The following EGFLAM variants were observed in gnomAD, a reference collection of about 807,000 sequenced individuals.
EGFLAM encodes pikachurin.
EGFLAM carries 79 observed loss-of-function variants against 113.1 expected under a neutral mutation model. The observed-to-expected ratio is 0.70, with a 90% CI of 0.58 to 0.84. The LOEUF is 0.84. Among genes scored for constraint, EGFLAM ranks in the 40% least tolerant of loss-of-function variants. EGFLAM has a pLI of 0.00. For synonymous variants in EGFLAM, 504 were observed against 487.6 expected (o/e 1.03, Z -0.44); for missense variants, 1,265 against 1,291.6 (o/e 0.98, Z 0.32).
At chr5:38,294,940 C>T (rs1400696499) in intron 1 of EGFLAM, among the ~76,000 whole-genome samples, 1 of 152,146 alleles carries the variant, frequency 6.6e-6, no homozygotes, top group African/African-American at 2.4e-5. Context: ...ATTCTCCTGC[C>T]TCAGCCTCCC....
At chr5:38,270,588 A>G (rs2111713973) in intron 1 of EGFLAM, among the ~76,000 whole-genome samples, 1 of 152,320 alleles carries the variant, frequency 6.6e-6, no homozygotes. Context: ...CTTCAGCTTG[A>G]AGGAATTGTA....
intron 6 of EGFLAM, chr5:38,401,265 C>T (rs538754479): frequency 6.6e-6 from 1 of 152,272 alleles, no homozygotes; most frequent in African/African-American, 2.4e-5. Flanking sequence ...GCCACCTACA[C>T]TCTAACCCTT....
At chr5:38,313,822 T>C (rs921623049) in intron 1 of EGFLAM, among the ~76,000 whole-genome samples, 2 of 152,212 alleles carry the variant, frequency 1.3e-5, no homozygotes, top group African/African-American at 4.8e-5. Context: ...AACTTGTCTA[T>C]GTAAGCGTTT....
intron 1 of EGFLAM, among the ~76,000 whole-genome samples, chr5:38,330,591 C>T (rs926707374): frequency 8.5e-5 from 13 of 152,284 alleles, no homozygotes; most frequent in African/African-American, 1.2e-4. Context: ...ATACCTAGAG[C>T]GTTTCTATTT....
At chr5:38,300,710 T>C (rs1758555844) in intron 1 of EGFLAM, among the ~76,000 whole-genome samples, 1 of 152,138 alleles carries the variant, frequency 6.6e-6, no homozygotes, top group South Asian at 2.1e-4. Flanking sequence ...CTGGCTGTTG[T>C]GTTGAGAATA....
In EGFLAM at chr5:38,335,582, C is replaced by T. The variant is rs190991290; in HGVS notation, c.98-1938C>T. 3.3e-5 allele frequency among the ~76,000 whole-genome samples: 5 copies of T among 152,210 alleles called. No homozygotes were observed. In the East Asian group the frequency reaches 7.7e-4, roughly 24 times the overall value. ...GTTGAGCCAAGAGGAAGCCACATGG[C>T]CTAAGTCTAGCCAATCAGATGAGAC... On this transcript the variant is annotated intron_variant, in intron 1 of 21. Coordinates refer to ENST00000322350, the MANE Select transcript of EGFLAM (RefSeq NM_152403.4).
chr5:38,424,017 C>G (rs1741919988), intron 12 of EGFLAM, among the ~76,000 whole-genome samples: 2 of 152,150 alleles, frequency 1.3e-5, no homozygotes, highest in Non-Finnish European at 2.9e-5. Context: ...GCCTTGAAGA[C>G]TGGGAGAGAG....
At chr5:38,411,537 C>T (rs1220374864) in intron 10 of EGFLAM, among the ~76,000 whole-genome samples, 1 of 132,376 alleles carries the variant, frequency 7.6e-6, no homozygotes, top group East Asian at 2.3e-4. Flanking sequence ...GGCTGGAGTG[C>T]AGTGGTGCAA....
At chr5:38,445,556 G>A (rs1326472795) in intron 17 of EGFLAM, 1 of 1,590,960 alleles carries the variant, frequency 6.3e-7, no homozygotes, top group Non-Finnish European at 8.5e-7. Flanking sequence ...CTGGACTCTC[G>A]GGCAGAGCTT....
chr5:38,278,358 T>G (rs1757934651), intron 1 of EGFLAM, among the ~76,000 whole-genome samples: 1 of 152,194 alleles, frequency 6.6e-6, no homozygotes, highest in Non-Finnish European at 1.5e-5. Context: ...AGAATGAAAT[T>G]AAACCCTTAT....
intron 1 of EGFLAM, among the ~76,000 whole-genome samples, chr5:38,275,060 G>A (rs544512394): frequency 7.9e-5 from 12 of 152,084 alleles, no homozygotes; most frequent in South Asian, 2.1e-4. Context: ...TGTAAGACTC[G>A]TGGTAACCAC....
At chr5:38,446,403 T>C (rs952200370) in intron 17 of EGFLAM, among the ~76,000 whole-genome samples, 1 of 152,236 alleles carries the variant, frequency 6.6e-6, no homozygotes, top group African/African-American at 2.4e-5. Context: ...CCTCCTCTTC[T>C]TGCTGCAGCG....
chr5:38,268,683 C>G (rs1272172662), intron 1 of EGFLAM, among the ~76,000 whole-genome samples: 1 of 152,166 alleles, frequency 6.6e-6, no homozygotes, highest in Non-Finnish European at 1.5e-5. Flanking sequence ...TTGTAGTGTA[C>G]AACCTGGTTG....
intron 20 of EGFLAM, among the ~76,000 whole-genome samples, chr5:38,461,572 A>G (rs902485043): frequency 6.6e-6 from 1 of 152,114 alleles, no homozygotes; most frequent in Non-Finnish European, 1.5e-5. Context: ...TGCCTGTCAC[A>G]GCATTCAGAT....
chr5:38,436,943 A>G (rs957775830), intron 16 of EGFLAM, among the ~76,000 whole-genome samples: 4 of 152,220 alleles, frequency 2.6e-5, no homozygotes, highest in African/African-American at 9.6e-5. Flanking sequence ...GGAAGCTTAG[A>G]TTCGTGGCAG....
intron 3 of EGFLAM, among the ~76,000 whole-genome samples, chr5:38,349,929 C>T (rs1323949641): frequency 4.0e-5 from 6 of 149,290 alleles, no homozygotes; most frequent in Non-Finnish European, 7.4e-5. Flanking sequence ...GCTTCCTGCT[C>T]AGGGCCGTTT....
intron 17 of EGFLAM, 77 bp downstream of exon 17, chr5:38,438,532 T>C (rs1047909590): frequency 7.2e-7 from 1 of 1,385,078 alleles, no homozygotes; most frequent in African/African-American, 1.4e-5. Flanking sequence ...ACCACAACTC[T>C]TAATGGAAGA....
chr5:38,432,448 C>G (rs536791295), intron 15 of EGFLAM, among the ~76,000 whole-genome samples: 7 of 143,922 alleles, frequency 4.9e-5, no homozygotes, highest in Admixed American at 2.9e-4. Context: ...ACCCTTCACA[C>G]CTAGAAAATG....
At chr5:38,296,202 T>C (rs1758450217) in intron 1 of EGFLAM, among the ~76,000 whole-genome samples, 1 of 152,146 alleles carries the variant, frequency 6.6e-6, no homozygotes, top group Non-Finnish European at 1.5e-5. Context: ...GTCTCCATCT[T>C]TGTGGGAGGA....
Sources: allele counts gnomAD v4.1 joint callset (sites outside exome capture counted in the v4.1 genomes callset), GRCh38; gene constraint gnomAD v4.1.1; transcripts MANE v1.5; gene names NCBI Gene and HGNC (gene_info 2026-07-23, HGNC 2026-07-21).